The following MALRD1 variants were observed in gnomAD, a reference collection of about 807,000 sequenced individuals.
MALRD1 encodes the protein MAM and LDL-receptor class A domain-containing protein 1.
In MALRD1, 247 loss-of-function variants were observed where a neutral mutation model predicts 242.1. The observed-to-expected ratio is 1.02, with a 90% CI of 0.92 to 1.13. The LOEUF is 1.13. Among genes scored for constraint, MALRD1 ranks in the 50% most tolerant of loss-of-function variants. MALRD1 has a pLI of 0.00. For synonymous variants in MALRD1, 995 were observed against 866.6 expected, an observed-to-expected ratio of 1.15 and a Z score of -2.60; for missense variants, 2,989 against 2,533.1, an observed-to-expected ratio of 1.18 and a Z score of -3.86.
chr10:19,301,951 G>A (rs1207739919), intron 21 of MALRD1, among the ~76,000 whole-genome samples: 2 of 151,748 alleles, frequency 1.3e-5, no homozygotes, highest in African/African-American at 4.8e-5. Context: ...AATAGGAAAA[G>A]CATTTGAGTA....
intron 38 of MALRD1, chr10:19,711,265 C>G (rs1454678386): frequency 6.6e-6 from 1 of 152,156 alleles, no homozygotes; most frequent in African/African-American, 2.4e-5. Flanking sequence ...AATCAAAGTT[C>G]TTCAAAGACC....
At chr10:19,567,140 C>G (rs1289606365) in intron 32 of MALRD1, among the ~76,000 whole-genome samples, 1 of 152,136 alleles carries the variant, frequency 6.6e-6, no homozygotes, top group Non-Finnish European at 1.5e-5. Context: ...CATGAGGGTC[C>G]TCTTTTTCTG....
intron 7 of MALRD1, among the ~76,000 whole-genome samples, chr10:19,126,934 G>C (rs1453281638): frequency 6.6e-6 from 1 of 152,118 alleles, no homozygotes; most frequent in South Asian, 2.1e-4. Context: ...ACAGTCCCCA[G>C]TGTGTGTTGT....
At chr10:19,450,629 A>G (rs1835271363) in intron 29 of MALRD1, 139 bp downstream of exon 29, 4 of 796,480 alleles carry the variant, frequency 5.0e-6, no homozygotes, top group Non-Finnish European at 7.6e-6. Flanking sequence ...TAATTTTATA[A>G]TTGTGAACTT....
At chr10:19,051,431 T>G (rs1834491263) in intron 1 of MALRD1, 1 of 156,690 alleles carries the variant, frequency 6.4e-6, no homozygotes, top group South Asian at 1.9e-4. Flanking sequence ...TTTTTGAAAA[T>G]AAGTTCTTGG....
At chr10:19,393,541 G>A (rs916902620) in intron 28 of MALRD1, among the ~76,000 whole-genome samples, 10 of 150,294 alleles carry the variant, frequency 6.7e-5, no homozygotes, top group African/African-American at 2.5e-4. Context: ...CGTCTCCCGG[G>A]TTCATGCCAT....
chr10:19,502,371 T>A (rs901462628), intron 31 of MALRD1, among the ~76,000 whole-genome samples: 13 of 152,180 alleles, frequency 8.5e-5, no homozygotes, highest in African/African-American at 3.1e-4. Context: ...ATGTTATGCA[T>A]TTTCAGAGAG....
chr10:19,158,132 A>G (rs1345018916), intron 12 of MALRD1, among the ~76,000 whole-genome samples: 7 of 152,250 alleles, frequency 4.6e-5, no homozygotes, highest in Non-Finnish European at 1.5e-5. Context: ...ACTGTTTACA[A>G]TTAACTAGGA....
At chr10:19,681,064 A>G (rs112204013) in intron 36 of MALRD1, among the ~76,000 whole-genome samples, 22,021 of 151,976 alleles carry the variant, frequency 0.14, 2,722 homozygotes, top group African/African-American at 0.34. Flanking sequence ...TTTCTCTCTG[A>G]CTGCCCTTAA....
At chr10:19,109,655 G>T (rs575248613) in intron 5 of MALRD1, among the ~76,000 whole-genome samples, 1 of 152,338 alleles carries the variant, frequency 6.6e-6, no homozygotes, top group Admixed American at 6.5e-5. Context: ...ACACTACCAA[G>T]TGGGAGCACA....
At position 19,093,947 on chromosome 10, in the gene MALRD1, G is replaced by A. The variant is rs1385234331; in HGVS notation, c.597+5762G>A. On this transcript the variant is annotated intron_variant, in intron 4 of 39. Coordinates refer to ENST00000454679, the MANE Select transcript of MALRD1 (RefSeq NM_001142308.3). ...ACCCACTTGAGGAGGCAGTCTGCCC[G>A]TTCTCAGATCTCCAGCTGTGTGCTG... Among the ~76,000 whole-genome samples, 28 of 97,050 alleles carry A rather than the reference G, an allele frequency of 2.9e-4. 6 individuals carry two copies. The highest frequency in any genetic ancestry group is 9.9e-4 in the African/African-American group (23 of 23,164). 63.7% of individuals were successfully genotyped at this position (97,050 alleles called of 152,430 possible). A position where few individuals can be genotyped will look rare whatever the true frequency, so the allele number is the denominator to read the frequency against.
intron 36 of MALRD1, among the ~76,000 whole-genome samples, chr10:19,630,342 A>G (rs1458899637): frequency 6.6e-6 from 1 of 152,176 alleles, no homozygotes; most frequent in African/African-American, 2.4e-5. Flanking sequence ...GAATGAAAAC[A>G]TATAATATCA....
At chr10:19,070,477 AT>A (rs1181281853) in intron 2 of MALRD1, among the ~76,000 whole-genome samples, 7 of 152,184 alleles carry the variant, frequency 4.6e-5, no homozygotes, top group South Asian at 2.1e-4. Flanking sequence ...AAGTGGAACC[AT>A]TGTAAGTCAG....
intron 7 of MALRD1, among the ~76,000 whole-genome samples, chr10:19,125,060 C>T (rs1236109153): frequency 1.4e-5 from 2 of 139,330 alleles, no homozygotes; most frequent in East Asian, 2.3e-4. Context: ...ATTCTCCTGT[C>T]TCAGCCTCCC....
intron 28 of MALRD1, among the ~76,000 whole-genome samples, chr10:19,427,253 C>T (rs1833938211): frequency 6.6e-6 from 1 of 152,202 alleles, no homozygotes; most frequent in Non-Finnish European, 1.5e-5. Context: ...ATTTGGGTCT[C>T]AGTCCTCTTG....
At chr10:19,442,772 A>C (rs1355164493) in intron 28 of MALRD1, among the ~76,000 whole-genome samples, 3 of 152,060 alleles carry the variant, frequency 2.0e-5, no homozygotes, top group Admixed American at 6.6e-5. Flanking sequence ...ATATTTTTCT[A>C]AAATTCTCTT....
intron 27 of MALRD1, among the ~76,000 whole-genome samples, chr10:19,388,997 C>A (rs1846215725): frequency 6.6e-6 from 1 of 151,476 alleles, no homozygotes; most frequent in Admixed American, 6.6e-5. Context: ...TGTGCAAGAA[C>A]AAAACTGAAT....
intron 26 of MALRD1, among the ~76,000 whole-genome samples, chr10:19,386,887 T>A (rs1846104072): frequency 6.6e-6 from 1 of 152,188 alleles, no homozygotes; most frequent in African/African-American, 2.4e-5. Flanking sequence ...ACTCAGGTCT[T>A]CAAAAGCATT....
At chr10:19,167,349 A>T (rs1834735715) in intron 13 of MALRD1, among the ~76,000 whole-genome samples, 1 of 152,022 alleles carries the variant, frequency 6.6e-6, no homozygotes, top group African/African-American at 2.4e-5. Context: ...ACAGAGTGAG[A>T]CTCCATCTTA....
Sources: allele counts gnomAD v4.1 joint callset (sites outside exome capture counted in the v4.1 genomes callset), GRCh38; gene constraint gnomAD v4.1.1; transcripts MANE v1.5; gene names NCBI Gene and HGNC (gene_info 2026-07-23, HGNC 2026-07-21).